Variants in CCDC6 observed in about 807,000 individuals in gnomAD.
CCDC6 encodes the protein coiled-coil domain-containing protein 6.
Under a neutral mutation model 56.6 loss-of-function variants are expected in CCDC6, and 20 were observed. The ratio of observed to expected loss-of-function variants is 0.35; its 90% CI spans 0.25 to 0.51. The LOEUF (loss-of-function observed/expected upper bound fraction) is 0.51. Ranked by LOEUF, CCDC6 falls within the 20% of genes least tolerant of loss-of-function variation. The probability of loss-of-function intolerance (pLI) is 0.95; values close to 1 mark genes in which losing one functional copy is unlikely to be tolerated. For missense variants in CCDC6, 367 were observed against 601.1 expected, an observed-to-expected ratio of 0.61 and a Z score of 4.07; for synonymous variants, 241 against 234.4, an observed-to-expected ratio of 1.03 and a Z score of -0.26.
rs4448634 is a variant in CCDC6 at position 59,872,637 on chromosome 10, C to T, written c.304-19935G>A. Among the ~76,000 whole-genome samples the T allele has an allele frequency of 8.3e-3, 1,256 of 152,168 alleles. 17 individuals carry two copies. The highest frequency in any genetic ancestry group is 0.029 in the African/African-American group (1,195 of 41,474). On this transcript the variant is annotated intron_variant, in intron 1 of 8. Coordinates refer to ENST00000263102, the MANE Select transcript of CCDC6 (RefSeq NM_005436.5). ...CTAGTTTTCAGTGAGTAAAGAGGGA[C>T]GGAAGGTTTAACCTCTAGCAAGGGG... is the stretch of plus-strand genomic sequence containing the variant.
At position 59,831,517 on chromosome 10, in the gene CCDC6, G is replaced by A. The variant is rs115116055; in HGVS notation, c.582+1008C>T. Among the ~76,000 whole-genome samples the A allele has an allele frequency of 2.2e-3, 333 of 152,306 alleles. 1 individual carries two copies. Among genetic ancestry groups the A allele is most frequent in the African/African-American group, 7.4e-3 (307 of 41,554 alleles). On this transcript the variant is annotated intron_variant, in intron 3 of 8. Transcript: ENST00000263102. The stretch of plus-strand genomic sequence containing the variant: ...GTTAACATGGAGTAAGGTGCACAGG[G>A]AGAAGCCTGAATGTGAGATAAATCA...
intron 1 of CCDC6, among the ~76,000 whole-genome samples, chr10:59,869,817 G>A (rs2071212494): frequency 6.6e-6 from 1 of 152,052 alleles, no homozygotes; most frequent in Admixed American, 6.5e-5. Flanking sequence ...CCCTCCCGTG[G>A]TCCAGCCTCT....
intron 1 of CCDC6, among the ~76,000 whole-genome samples, chr10:59,873,844 C>A (rs1262805574): frequency 1.3e-5 from 2 of 152,026 alleles, no homozygotes; most frequent in African/African-American, 4.8e-5. Flanking sequence ...GGACAGAGAA[C>A]ACATATGTAG....
intron 7 of CCDC6, among the ~76,000 whole-genome samples, chr10:59,796,432 G>GA (rs747466578): frequency 0.01 from 1,546 of 149,632 alleles, 18 homozygotes; most frequent in African/African-American, 0.024. Flanking sequence ...TTGTATAAAA[G>GA]AAAAAAAAAG....
intron 1 of CCDC6, among the ~76,000 whole-genome samples, chr10:59,882,003 T>C (rs111477739): frequency 2.1e-4 from 19 of 88,838 alleles, no homozygotes; most frequent in Admixed American, 8.3e-4. Context: ...GAAGGAAAGC[T>C]GGGGAGAAGG....
At chr10:59,882,052 G>C (rs1170565095) in intron 1 of CCDC6, among the ~76,000 whole-genome samples, 40 of 142,190 alleles carry the variant, frequency 2.8e-4, no homozygotes, top group Non-Finnish European at 5.2e-4. Flanking sequence ...AAAGCCAGGG[G>C]GAGAAGGAAA....
intron 1 of CCDC6, among the ~76,000 whole-genome samples, chr10:59,904,295 T>C (rs2071526304): frequency 6.6e-6 from 1 of 152,222 alleles, no homozygotes; most frequent in South Asian, 2.1e-4. Flanking sequence ...AACACATTTG[T>C]TCCTGCAAAG....
In CCDC6 at chr10:59,906,506, G is replaced by A. The variant is rs564299443; in HGVS notation, c.-82C>T. The A allele has an allele frequency of 2.4e-6, 3 of 1,253,680 alleles. No individual in the cohort carries two copies. The highest frequency in any genetic ancestry group is 2.1e-6 in the Non-Finnish European group (2 of 951,830). The allele number at this position is 1,253,680 out of a possible 1,614,324, so 77.7% of individuals were successfully genotyped here. On this transcript the variant is annotated 5_prime_UTR_variant, in exon 1 of 9. Coordinates refer to ENST00000263102, the MANE Select transcript of CCDC6 (RefSeq NM_005436.5). ...GCCGGGCTGCGAATGAGTGGGCGCCGGGCGAGCACAGGGGAGCGCCGAGCT... is the reference window on the plus strand; with the variant it reads ...GCCGGGCTGCGAATGAGTGGGCGCCAGGCGAGCACAGGGGAGCGCCGAGCT...
At chr10:59,903,017 T>C (rs901215292) in intron 1 of CCDC6, among the ~76,000 whole-genome samples, 2 of 151,722 alleles carry the variant, frequency 1.3e-5, no homozygotes, top group African/African-American at 2.4e-5. Flanking sequence ...GATATAGGAG[T>C]TGGGGAACAT....
Position 59,806,992 on chromosome 10 carries a change from T to C in CCDC6, c.934A>G (p.Met312Val). The C allele has an allele frequency of 6.2e-7, 1 of 1,613,948 alleles. No homozygotes were observed. ...CGACAGAGGGCTTCTCTTCTCTCCA[T>C]CTCCCTCTGCAGCTTCCTCTGGAGC... is the stretch of plus-strand genomic sequence containing the variant. ...LRLQRKLQREMERREALCRQL... is the reference protein window; with the variant it reads ...LRLQRKLQREVERREALCRQL... Residue 312 changes from methionine to valine, a missense_variant, in exon 6 of 9, where the codon ATG becomes GTG. Met to Val is a conservative substitution (Grantham distance 21). Transcript: ENST00000263102.
chr10:59,811,198 A>G (rs114528655), intron 5 of CCDC6, among the ~76,000 whole-genome samples: 2 of 152,184 alleles, frequency 1.3e-5, no homozygotes, highest in African/African-American at 4.8e-5. Flanking sequence ...AATAGCAGAA[A>G]TAGGAAAGTA....
At chr10:59,838,301 T>C (rs775123805) in intron 2 of CCDC6, among the ~76,000 whole-genome samples, 1 of 152,094 alleles carries the variant, frequency 6.6e-6, no homozygotes, top group Non-Finnish European at 1.5e-5. Context: ...CTTTTATTCC[T>C]TTTCCTTTGG....
chr10:59,882,589 G>GGCGGGAGAAGGAAAGGAAAGC (rs1564756215), intron 1 of CCDC6, among the ~76,000 whole-genome samples: 1 of 35,256 alleles, frequency 2.8e-5, no homozygotes. Context: ...AAGGAAAGCC[G>GGCGGGAGAAGGAAAGGAAAGC]CGGGGAGAAG....
intron 2 of CCDC6, among the ~76,000 whole-genome samples, chr10:59,835,957 A>G (rs1023173393): frequency 1.4e-5 from 2 of 145,660 alleles, no homozygotes; most frequent in African/African-American, 5.1e-5. Flanking sequence ...CAGGAGACTG[A>G]GGTGAGAGGA....
chr10:59,904,463 A>C (rs2071527757), intron 1 of CCDC6, among the ~76,000 whole-genome samples: 1 of 152,166 alleles, frequency 6.6e-6, no homozygotes, highest in Non-Finnish European at 1.5e-5. Context: ...GCTTCATGCA[A>C]GTCTTACTAC....
intron 2 of CCDC6, among the ~76,000 whole-genome samples, chr10:59,847,897 C>T (rs984101761): frequency 2.2e-5 from 3 of 135,656 alleles, no homozygotes; most frequent in Non-Finnish European, 3.0e-5. Context: ...TTCACTAAAA[C>T]GTTAATAGGG....
chr10:59,836,052 T>TTAAAAAA (rs777308614), intron 2 of CCDC6, among the ~76,000 whole-genome samples: 1 of 57,596 alleles, frequency 1.7e-5, no homozygotes, highest in African/African-American at 6.6e-5. Context: ...CGACCCTGTC[T>TTAAAAAA]AAAAAAAAAA....
At chr10:59,873,045 T>C (rs937724558) in intron 1 of CCDC6, among the ~76,000 whole-genome samples, 10 of 152,052 alleles carry the variant, frequency 6.6e-5, no homozygotes, top group African/African-American at 1.9e-4. Context: ...TCATCAAACT[T>C]AGCATGCCTG....
chr10:59,854,701 C>T (rs1047642624), intron 1 of CCDC6, among the ~76,000 whole-genome samples: 3 of 152,168 alleles, frequency 2.0e-5, no homozygotes, highest in Admixed American at 1.3e-4. Flanking sequence ...ACTTGCCTTC[C>T]GAACTCTCAA....
Sources: gnomAD v4.1 joint callset for allele counts (sites outside exome capture counted in the v4.1 genomes callset) on GRCh38, gnomAD v4.1.1 for gene constraint, MANE v1.5 for transcripts, NCBI Gene and HGNC (gene_info 2026-07-23, HGNC 2026-07-21) for gene names.